The following CACNA2D3 variants were observed in gnomAD, a reference collection of about 807,000 sequenced individuals.
CACNA2D3 encodes the protein voltage-dependent calcium channel subunit alpha-2/delta-3.
In CACNA2D3, 60 loss-of-function variants were observed where a neutral mutation model predicts 160.6. The ratio of observed to expected loss-of-function variants is 0.37; its 90% confidence interval spans 0.30 to 0.46. The LOEUF is 0.46. CACNA2D3 is among the 20% of genes least tolerant of loss of function. The pLI, the probability that CACNA2D3 is intolerant of heterozygous loss-of-function variation, is 1.00. For missense variants in CACNA2D3, 1,205 were observed against 1,365.0 expected (o/e 0.88, Z 1.85); for synonymous variants, 558 against 492.9 (o/e 1.13, Z -1.75).
At chr3:54,885,184 T>C (rs1000642541) in intron 21 of CACNA2D3, 97 bp from the exon 22 acceptor site, 4 of 1,323,420 alleles carry the variant, frequency 3.0e-6, no homozygotes, top group Middle Eastern at 3.7e-4. Context: ...ATGTCTACCC[T>C]TAACCCACCC....
chr3:54,237,742 A>C (rs923219744), intron 2 of CACNA2D3, among the ~76,000 whole-genome samples: 3 of 152,228 alleles, frequency 2.0e-5, no homozygotes, highest in African/African-American at 7.2e-5. Context: ...GCACCTAAGC[A>C]TGCTGACTCT....
At chr3:54,336,147 T>C (rs969731387) in intron 3 of CACNA2D3, among the ~76,000 whole-genome samples, 27 of 152,010 alleles carry the variant, frequency 1.8e-4, no homozygotes, top group African/African-American at 5.3e-4. Context: ...CCCAGTGGGT[T>C]ATGGAGAGCT....
In CACNA2D3 at chr3:54,641,206, G is replaced by A. The variant is rs542926837; in HGVS notation, c.1054-922G>A. On this transcript the variant is annotated intron_variant, in intron 10 of 37. Coordinates refer to ENST00000474759, the MANE Select transcript of CACNA2D3 (RefSeq NM_018398.3). ...TTTTATACATTTAAGGGAGACTGAA[G>A]TTACAGGCAAAGACATAATACATGT... 2.6e-5 allele frequency among the ~76,000 whole-genome samples: 4 copies of A among 152,322 alleles called. No homozygotes were observed. In the South Asian group the frequency reaches 6.2e-4, roughly 24 times the overall value.
intron 4 of CACNA2D3, among the ~76,000 whole-genome samples, chr3:54,459,940 A>G (rs1381819677): frequency 6.6e-6 from 1 of 152,104 alleles, no homozygotes; most frequent in African/African-American, 2.4e-5. Context: ...ATCTTGAATT[A>G]ATTTTTTGTA....
chr3:54,746,750 C>T (rs905933219), intron 11 of CACNA2D3, among the ~76,000 whole-genome samples: 9 of 152,212 alleles, frequency 5.9e-5, no homozygotes, highest in African/African-American at 1.9e-4. Flanking sequence ...TTTTGAGGCT[C>T]ATAAGTGCTT....
intron 35 of CACNA2D3, among the ~76,000 whole-genome samples, chr3:55,053,396 A>G (rs562178118): frequency 6.6e-6 from 1 of 152,040 alleles, no homozygotes; most frequent in Non-Finnish European, 1.5e-5. Flanking sequence ...GGAAATCAGT[A>G]TAGATAGAAC....
At chr3:54,439,036 T>G (rs1417932296) in intron 4 of CACNA2D3, among the ~76,000 whole-genome samples, 1 of 152,124 alleles carries the variant, frequency 6.6e-6, no homozygotes, top group Non-Finnish European at 1.5e-5. Flanking sequence ...CTGGATGGAT[T>G]TCATTTCCAC....
At chr3:54,821,331 C>T (rs1408689708) in intron 14 of CACNA2D3, among the ~76,000 whole-genome samples, 7 of 152,146 alleles carry the variant, frequency 4.6e-5, no homozygotes, top group Admixed American at 3.3e-4. Context: ...AGCCCGACTG[C>T]GTGTTTTGTT....
intron 2 of CACNA2D3, among the ~76,000 whole-genome samples, chr3:54,296,552 G>A (rs112918239): frequency 2.0e-5 from 3 of 152,238 alleles, no homozygotes; most frequent in African/African-American, 4.8e-5. Flanking sequence ...ATCCGTGCTC[G>A]CTTTTATTCA....
At chr3:54,494,923 G>A (rs1190449898) in intron 4 of CACNA2D3, among the ~76,000 whole-genome samples, 1 of 152,146 alleles carries the variant, frequency 6.6e-6, no homozygotes, top group Non-Finnish European at 1.5e-5. Flanking sequence ...GACAGCAGGG[G>A]AAACTGCTCC....
intron 9 of CACNA2D3, among the ~76,000 whole-genome samples, chr3:54,614,711 A>G (rs779153770): frequency 6.6e-6 from 1 of 152,184 alleles, no homozygotes; most frequent in Non-Finnish European, 1.5e-5. Flanking sequence ...TTAGGGGCAG[A>G]AGATGAACAA....
chr3:55,057,837 G>A (rs186068932), intron 35 of CACNA2D3, among the ~76,000 whole-genome samples: 2 of 152,144 alleles, frequency 1.3e-5, no homozygotes, highest in Admixed American at 1.3e-4. Context: ...GAATAGTTCT[G>A]ATTTTTCTTG....
chr3:54,887,371 G>T (rs1699951014), intron 23 of CACNA2D3, among the ~76,000 whole-genome samples: 2 of 152,098 alleles, frequency 1.3e-5, no homozygotes, highest in Admixed American at 1.3e-4. Flanking sequence ...AGGTTGTTGT[G>T]AGCTGAGATT....
chr3:54,947,974 C>G (rs1701656449), intron 27 of CACNA2D3, among the ~76,000 whole-genome samples: 1 of 152,186 alleles, frequency 6.6e-6, no homozygotes, highest in Non-Finnish European at 1.5e-5. Context: ...TCCTTATTGG[C>G]AAATGCTAAT....
chr3:54,309,285 T>C (rs1575386303), intron 2 of CACNA2D3, among the ~76,000 whole-genome samples: 1 of 152,246 alleles, frequency 6.6e-6, no homozygotes, highest in African/African-American at 2.4e-5. Context: ...GCTGGTATAG[T>C]AGCTTGCTTC....
At chr3:54,919,929 T>C (rs2106927651) in intron 27 of CACNA2D3, among the ~76,000 whole-genome samples, 1 of 152,240 alleles carries the variant, frequency 6.6e-6, no homozygotes, top group Non-Finnish European at 1.5e-5. Context: ...CATCCTCCTC[T>C]CAGGAGCGTT....
Position 54,249,622 on chromosome 3 carries a change from C to T in CACNA2D3, c.205-70820C>T, listed in dbSNP as rs142258641. 3.2e-3 allele frequency among the ~76,000 whole-genome samples: 404 copies of T among 124,954 alleles called. 1 individual carries two copies. The highest frequency in any genetic ancestry group is 0.012 in the African/African-American group (386 of 32,188). The allele number at this position is 124,954 out of a possible 152,430, so 82.0% of individuals were successfully genotyped here. On this transcript the variant is annotated intron_variant, in intron 2 of 37. Transcript: ENST00000474759. ...ATTTGAACTTGCCAGTCTCAGTAATCGTGACAACCAGTTCCTTAGAACAAA... is the reference window on the plus strand; with the variant it reads ...ATTTGAACTTGCCAGTCTCAGTAATTGTGACAACCAGTTCCTTAGAACAAA...
intron 9 of CACNA2D3, among the ~76,000 whole-genome samples, chr3:54,595,312 T>G (rs1198664004): frequency 7.1e-6 from 1 of 141,308 alleles, no homozygotes; most frequent in Non-Finnish European, 1.5e-5. Flanking sequence ...TCTGTGTGTG[T>G]GGTGTGTGTG....
At chr3:54,805,697 T>C (rs1322368117) in intron 13 of CACNA2D3, among the ~76,000 whole-genome samples, 2 of 152,208 alleles carry the variant, frequency 1.3e-5, no homozygotes, top group African/African-American at 4.8e-5. Context: ...CCCTAACTCA[T>C]TTTATGAGGC....
Sources: allele counts gnomAD v4.1 joint callset (sites outside exome capture counted in the v4.1 genomes callset), GRCh38; gene constraint gnomAD v4.1.1; transcripts MANE v1.5; gene names NCBI Gene and HGNC (gene_info 2026-07-23, HGNC 2026-07-21).